The following LRTM3 variants were observed in gnomAD, a reference collection of about 807,000 sequenced individuals.
The protein encoded by LRTM3 is leucine rich repeat transmembrane protein 3.
the LRTM3 span, chr13:102,731,300 A>G: frequency 1.3e-6 from 2 of 1,551,274 alleles, no homozygotes; most frequent in Non-Finnish European, 1.7e-6. Context: ...CATAAAGTTC[A>G]TTGTTTTATG....
chr13:102,750,138 A>G, the LRTM3 span: 1 of 1,551,234 alleles, frequency 6.4e-7, no homozygotes, highest in South Asian at 1.2e-5. Flanking sequence ...ATTGTTTCAT[A>G]TTCTCTGTCT....
the LRTM3 span, chr13:102,737,700 CTT>C: frequency 3.9e-6 from 6 of 1,550,560 alleles, no homozygotes; most frequent in Non-Finnish European, 5.2e-6. Context: ...TGCATGTAAT[CTT>C]TTGCTTTTTG....
At chr13:102,736,264 T>A in the LRTM3 span, 4 of 1,551,040 alleles carry the variant, frequency 2.6e-6, no homozygotes, top group Admixed American at 7.8e-5. Context: ...CCTGCTTCTG[T>A]CCTGCTCTCT....
At chr13:102,736,598 G>C in the LRTM3 span, 1 of 1,551,052 alleles carries the variant, frequency 6.4e-7, no homozygotes, top group South Asian at 1.2e-5. Context: ...GAAAGCTGAA[G>C]AAGTGACAAA....
the LRTM3 span, chr13:102,742,691 TTTGCC>T: frequency 6.4e-7 from 1 of 1,550,732 alleles, no homozygotes; most frequent in Non-Finnish European, 8.7e-7. Flanking sequence ...TGCTGATTGC[TTTGCC>T]TGCAAAGGTC....
chr13:102,740,286 GT>G, the LRTM3 span: 1 of 1,550,062 alleles, frequency 6.5e-7, no homozygotes. Flanking sequence ...ATTGAATCTT[GT>G]TTTTTCATCT....
the LRTM3 span, chr13:102,743,352 G>C: frequency 1.9e-6 from 3 of 1,550,456 alleles, no homozygotes; most frequent in East Asian, 7.3e-5. Context: ...GAGGAATCTG[G>C]AGTGAAGGAA....
the LRTM3 span, chr13:102,745,587 T>G: frequency 0.2 from 314,954 of 1,550,622 alleles, 34,502 homozygotes; most frequent in East Asian, 0.44. Context: ...CATTTGGGAT[T>G]CACTAAAGTT....
the LRTM3 span, chr13:102,745,596 T>A: frequency 4.5e-6 from 7 of 1,551,012 alleles, no homozygotes; most frequent in Non-Finnish European, 6.1e-6. Context: ...TTCACTAAAG[T>A]TTTCATGTCT....
chr13:102,755,659 G>A, the LRTM3 span, among the ~76,000 whole-genome samples: 4 of 151,952 alleles, frequency 2.6e-5, no homozygotes, highest in South Asian at 8.3e-4. Context: ...GGGGATGGGG[G>A]ACGAGGGGAG....
the LRTM3 span, chr13:102,729,482 G>A: frequency 3.4e-6 from 5 of 1,459,060 alleles, no homozygotes; most frequent in Non-Finnish European, 3.6e-6. Context: ...AAGGGACCCC[G>A]AGAGCGACCC....
the LRTM3 span, among the ~76,000 whole-genome samples, chr13:102,751,533 C>T: frequency 6.6e-6 from 1 of 152,114 alleles, no homozygotes; most frequent in African/African-American, 2.4e-5. Flanking sequence ...TTAATAAACT[C>T]TCCAGCTGAT....
the LRTM3 span, chr13:102,750,152 T>C: frequency 6.4e-7 from 1 of 1,551,236 alleles, no homozygotes; most frequent in Non-Finnish European, 8.7e-7. Flanking sequence ...TCTGTCTGGA[T>C]GCTCTGTATG....
At chr13:102,757,360 T>A in the LRTM3 span, among the ~76,000 whole-genome samples, 1 of 74,480 alleles carries the variant, frequency 1.3e-5, no homozygotes, top group Non-Finnish European at 3.1e-5. Context: ...ATCCTCTGAT[T>A]CACACAGTGA....
At chr13:102,751,761 A>G in the LRTM3 span, among the ~76,000 whole-genome samples, 1 of 152,172 alleles carries the variant, frequency 6.6e-6, no homozygotes, top group African/African-American at 2.4e-5. Context: ...GATCTACCCA[A>G]CCACAAAAAT....
chr13:102,734,511 G>A, the LRTM3 span: 2 of 1,551,256 alleles, frequency 1.3e-6, no homozygotes, highest in Non-Finnish European at 8.7e-7. Context: ...GTTCTGTGGA[G>A]CATACAGGAA....
chr13:102,745,798 A>G, the LRTM3 span: 11 of 1,551,222 alleles, frequency 7.1e-6, no homozygotes, highest in Non-Finnish European at 9.6e-6. Flanking sequence ...TTAGAGGTGA[A>G]AACCTAACAT....
At chr13:102,741,971 C>A in the LRTM3 span, 14 of 1,550,424 alleles carry the variant, frequency 9.0e-6, no homozygotes, top group Non-Finnish European at 1.2e-5. Context: ...TTCCTGTTTT[C>A]TAAGAATGCT....
the LRTM3 span, among the ~76,000 whole-genome samples, chr13:102,751,089 G>A: frequency 4.8e-3 from 732 of 152,220 alleles, 22 homozygotes; most frequent in East Asian, 0.033. Context: ...GGGTGTTTTG[G>A]ATGAGATTAA....
Sources: gnomAD v4.1 joint callset for allele counts (sites outside exome capture counted in the v4.1 genomes callset) on GRCh38, gnomAD v4.1.1 for gene constraint, MANE v1.5 for transcripts, NCBI Gene and HGNC (gene_info 2026-07-23, HGNC 2026-07-21) for gene names.